Variants in SLC25A27 observed in about 807,000 individuals in gnomAD.
SLC25A27 encodes the protein mitochondrial uncoupling protein 4.
A neutral mutation model predicts 49.1 loss-of-function variants in SLC25A27; 35 were observed. That is an observed-to-expected ratio of 0.71 (90% CI 0.54 to 0.95). The LOEUF is 0.95. Among genes scored for constraint, SLC25A27 ranks in the 40% least tolerant of loss-of-function variants. The probability of loss-of-function intolerance (pLI) is 0.00; values close to 1 mark genes in which losing one functional copy is unlikely to be tolerated. For missense variants in SLC25A27, 339 were observed against 397.1 expected (o/e 0.85, Z 1.24); for synonymous variants, 144 against 136.9 (o/e 1.05, Z -0.36).
rs1763811097 is a variant in SLC25A27 at position 46,676,792 on chromosome 6, G to A, written c.*338G>A. On this transcript the variant is annotated 3_prime_UTR_variant, in exon 9 of 9. Coordinates refer to ENST00000371347, the MANE Select transcript of SLC25A27 (RefSeq NM_004277.5). ...TATGCTGAAGAGCCTGCTTAGAGGA[G>A]GAGTACCAGGAGGGAGCCAGCATTT... is the stretch of plus-strand genomic sequence containing the variant. 9.4e-6 allele frequency: 9 copies of A among 956,020 alleles called. No homozygotes were observed. Among genetic ancestry groups the A allele is most frequent in the African/African-American group, 1.6e-5 (1 of 60,810 alleles). 59.2% of individuals were successfully genotyped at this position (956,020 alleles called of 1,614,324 possible).
chr6:46,654,180 G>A, intron 1 of SLC25A27: 6 of 955,410 alleles, frequency 6.3e-6, no homozygotes, highest in Non-Finnish European at 7.5e-6. Context: ...CCTTAACTGT[G>A]TATTTTAAGA....
chr6:46,670,300 G>A lies in SLC25A27; in HGVS notation c.797+73G>A, dbSNP rs916770356. On this transcript the variant is annotated intron_variant, in intron 7 of 8. Coordinates refer to ENST00000371347, the MANE Select transcript of SLC25A27 (RefSeq NM_004277.5). The stretch of plus-strand genomic sequence containing the variant: ...CTTTGTGTTTTAAAGATGCATCTCT[G>A]CATTTTTTATTGATAGAAATGTATT... The A allele has an allele frequency of 8.8e-5, 84 of 957,432 alleles. No individual in the cohort carries two copies. In the Admixed American group the frequency reaches 1.7e-3, roughly 20 times the overall value. The allele number at this position is 957,432 out of a possible 1,614,324, so 59.3% of individuals were successfully genotyped here. A position where few individuals can be genotyped will look rare whatever the true frequency, so the allele number is the denominator to read the frequency against.
rs375189419 is a variant in SLC25A27 at position 46,676,436 on chromosome 6, T to C, written c.954T>C (p.Ser318=). 52 of 1,613,748 alleles carry C rather than the reference T, an allele frequency of 3.2e-5. No individual in the cohort carries two copies. The highest frequency in any genetic ancestry group is 1.5e-4 in the Admixed American group (9 of 59,984). Residue 318 remains serine, a synonymous_variant, in exon 9 of 9, where the codon AGT becomes AGC. Transcript: ENST00000371347. The part of the protein sequence containing the change: ...WLTYEKIREM[S]GVSPF The stretch of plus-strand genomic sequence containing the variant: ...CTTATGAAAAAATCAGAGAGATGAG[T>C]GGAGTCAGTCCATTTTAAACCCCTA...
chr6:46,676,332 T>G (rs370953460), intron 8 of SLC25A27, 51 bp from the exon 9 acceptor site: 12 of 1,538,174 alleles, frequency 7.8e-6, no homozygotes, highest in Admixed American at 1.7e-5. Context: ...ATATGTAGAC[T>G]ATTTATAATT....
chr6:46,666,889 T>C lies in SLC25A27; in HGVS notation c.620-1820T>C, dbSNP rs115325657. The stretch of plus-strand genomic sequence containing the variant: ...TCTCTTTCATTTGCTCCATTGCTTA[T>C]ATCCAAGCAGTCACCAAATCCAGTC... On this transcript the variant is annotated intron_variant, in intron 5 of 8. Transcript: ENST00000371347. Among the ~76,000 whole-genome samples, 694 of 152,232 alleles carry C rather than the reference T, an allele frequency of 4.6e-3. 5 individuals carry two copies. Among genetic ancestry groups the C allele is most frequent in the African/African-American group, 0.016 (657 of 41,566 alleles).
At chr6:46,660,737 G>A (rs56922473) in intron 3 of SLC25A27, among the ~76,000 whole-genome samples, 112 of 152,218 alleles carry the variant, frequency 7.4e-4, no homozygotes, top group African/African-American at 2.7e-3. Flanking sequence ...ATAAAAAGGG[G>A]CAATATGTAG....
chr6:46,673,057 C>A (rs1763615117), intron 8 of SLC25A27, among the ~76,000 whole-genome samples: 1 of 152,174 alleles, frequency 6.6e-6, no homozygotes, highest in South Asian at 2.1e-4. Context: ...ATTTGGCCTG[C>A]ATAAACCAGG....
chr6:46,655,952 G>A lies in SLC25A27; in HGVS notation c.216G>A (p.Val72=), dbSNP rs1762964512. Residue 72 remains valine (V), a synonymous_variant, in exon 2 of 9, where the codon GTG becomes GTA. Coordinates refer to ENST00000371347, the MANE Select transcript of SLC25A27 (RefSeq NM_004277.5). The part of the protein sequence containing the change: ...ARESAPYRGM[V]RTALGIIEEE... ...AATCTGCCCCCTATAGGGGAATGGTGCGCACAGCTCTAGGGATCATTGAAG... is the reference window on the plus strand; with the variant it reads ...AATCTGCCCCCTATAGGGGAATGGTACGCACAGCTCTAGGGATCATTGAAG... The A allele has an allele frequency of 6.2e-7, 1 of 1,613,794 alleles. No individual in the cohort carries two copies. The highest frequency in any genetic ancestry group is 1.7e-5 in the Admixed American group (1 of 59,978).
chr6:46,656,275 G>C (rs560511032), intron 2 of SLC25A27, among the ~76,000 whole-genome samples: 5 of 151,654 alleles, frequency 3.3e-5, no homozygotes, highest in Non-Finnish European at 7.4e-5. Context: ...CTGCCTCCCA[G>C]GTTCAAGCGA....
intron 2 of SLC25A27, among the ~76,000 whole-genome samples, chr6:46,658,055 C>G (rs1286473119): frequency 6.6e-6 from 1 of 152,182 alleles, no homozygotes; most frequent in African/African-American, 2.4e-5. Context: ...CATTTTTCTC[C>G]TCATAATGTT....
intron 4 of SLC25A27, among the ~76,000 whole-genome samples, chr6:46,664,178 A>G (rs967471909): frequency 2.6e-5 from 4 of 152,224 alleles, no homozygotes; most frequent in Non-Finnish European, 5.9e-5. Context: ...TTTTAATGCC[A>G]GAAGTTTTCA....
rs2150664908 is a variant in SLC25A27, at chr6:46,676,481, T to A, written c.*27T>A. The stretch of plus-strand genomic sequence containing the variant: ...CCCCTAAAGATGCAACCCTTAAAGA[T>A]ACAGTGTTCAGTATTATTGAAATAT... On this transcript the variant is annotated 3_prime_UTR_variant, in exon 9 of 9. Coordinates refer to ENST00000371347, the MANE Select transcript of SLC25A27 (RefSeq NM_004277.5). 1 of 1,613,604 alleles carries A rather than the reference T, an allele frequency of 6.2e-7. No homozygotes were observed. Among genetic ancestry groups the A allele is most frequent in the South Asian group, 1.1e-5 (1 of 90,988 alleles).
chr6:46,653,247 C>G lies in SLC25A27; in HGVS notation c.55C>G (p.Arg19Gly). The G allele has an allele frequency of 6.2e-7, 1 of 1,613,678 alleles. No individual in the cohort carries two copies. Among genetic ancestry groups the G allele is most frequent in the Non-Finnish European group, 8.5e-7 (1 of 1,179,738 alleles). The change falls in exon 1 of 9, where the codon CGA becomes GGA. Residue 19 changes from arginine (R) to glycine (G), a missense_variant. Transcript: ENST00000371347. ...TTTGCCGCTGACCCAGAGATGGCCC[C>G]GAGCGAGCAAATTCCTACTGTCCGG... Reference protein sequence around the residue: ...RLLPLTQRWPRASKFLLSGCA... With the variant: ...RLLPLTQRWPGASKFLLSGCA...
rs1763077655 is a variant in SLC25A27, at chr6:46,658,962, T to G, written c.299T>G (p.Val100Gly). 6.2e-7 allele frequency: 1 copy of G among 1,609,292 alleles called. No homozygotes were observed. The highest frequency in any genetic ancestry group is 8.5e-7 in the Non-Finnish European group (1 of 1,175,736). ...GVTPAIYRHVVYSGGRMVTYE... is the reference protein window; with the variant it reads ...GVTPAIYRHVGYSGGRMVTYE... Reference sequence around the variant, plus strand: ...CTTTTTAATGATCTTTTTTACCCAGTGTATTCTGGAGGTCGAATGGTCACA... The same window carrying G: ...CTTTTTAATGATCTTTTTTACCCAGGGTATTCTGGAGGTCGAATGGTCACA... Residue 100 changes from valine to glycine, a missense_variant and splice_region_variant, in exon 3 of 9, where the codon GTG becomes GGG. Transcript: ENST00000371347.
chr6:46,665,690 G>GA (rs576355891), intron 5 of SLC25A27, among the ~76,000 whole-genome samples: 6 of 149,146 alleles, frequency 4.0e-5, no homozygotes, highest in Admixed American at 2.0e-4. Flanking sequence ...CATCTCAAAA[G>GA]AAAAAAAAAG....
chr6:46,653,338 C>G (rs781573224), intron 1 of SLC25A27, 40 bp downstream of exon 1: 53 of 1,580,576 alleles, frequency 3.4e-5, no homozygotes, highest in Non-Finnish European at 4.5e-5. Flanking sequence ...GGGCCAGTGG[C>G]ACGCGCCGCG....
Position 46,668,782 on chromosome 6 carries a change from C to A in SLC25A27, c.693C>A (p.His231Gln). 1 of 1,587,652 alleles carries A rather than the reference C, an allele frequency of 6.3e-7. No individual in the cohort carries two copies. The highest frequency in any genetic ancestry group is 1.7e-5 in the Admixed American group (1 of 59,868). Residue 231 changes from histidine (H) to glutamine (Q), a missense_variant, in exon 6 of 9, where the codon CAC becomes CAA. Coordinates refer to ENST00000371347, the MANE Select transcript of SLC25A27 (RefSeq NM_004277.5). ...NTPLEDNIMT[H>Q]GLSSLCSGLV... ...CACTTGAGGACAATATCATGACTCACGGTTTATCAAGGTAAGGATTGTTTT... is the reference window on the plus strand; with the variant it reads ...CACTTGAGGACAATATCATGACTCAAGGTTTATCAAGGTAAGGATTGTTTT...
intron 5 of SLC25A27, among the ~76,000 whole-genome samples, chr6:46,668,269 C>T (rs1192808692): frequency 1.3e-5 from 2 of 152,096 alleles, no homozygotes; most frequent in African/African-American, 4.8e-5. Context: ...GCCCAGGAGG[C>T]GGAGGTTGCA....
At chr6:46,675,712 T>C (rs1763753603) in intron 8 of SLC25A27, among the ~76,000 whole-genome samples, 1 of 152,196 alleles carries the variant, frequency 6.6e-6, no homozygotes. Flanking sequence ...TCTGTGTCTT[T>C]ACAGTTTACA....
Sources: allele counts gnomAD v4.1 joint callset (sites outside exome capture counted in the v4.1 genomes callset), GRCh38; gene constraint gnomAD v4.1.1; transcripts MANE v1.5; gene names NCBI Gene and HGNC (gene_info 2026-07-23, HGNC 2026-07-21).